KIDINS220: variants seen among roughly 807,000 people sequenced by gnomAD.
KIDINS220 encodes the protein kinase D-interacting substrate of 220 kDa.
A neutral mutation model predicts 157.6 loss-of-function variants in KIDINS220; 63 were observed. That is an observed-to-expected ratio of 0.40 (90% CI 0.33 to 0.49). KIDINS220 has a LOEUF of 0.49. Among genes scored for constraint, KIDINS220 ranks in the 20% least tolerant of loss-of-function variants. The pLI is 0.66. For missense variants in KIDINS220, 1,772 were observed against 2,171.2 expected, an observed-to-expected ratio of 0.82 and a Z score of 3.65; for synonymous variants, 732 against 783.6, an observed-to-expected ratio of 0.93 and a Z score of 1.10.
intron 15 of KIDINS220, among the ~76,000 whole-genome samples, chr2:8,786,735 A>C (rs1030843274): frequency 6.6e-6 from 1 of 152,174 alleles, no homozygotes; most frequent in East Asian, 1.9e-4. Flanking sequence ...GTTGCACAAG[A>C]AAGTTTTCTA....
chr2:8,741,385 G>A (rs1665604933), intron 26 of KIDINS220, among the ~76,000 whole-genome samples: 1 of 152,130 alleles, frequency 6.6e-6, no homozygotes, highest in Admixed American at 6.5e-5. Context: ...TGGCCAACAT[G>A]GCTAAACACT....
At chr2:8,787,897 C>T (rs1478303739) in intron 15 of KIDINS220, among the ~76,000 whole-genome samples, 1 of 151,998 alleles carries the variant, frequency 6.6e-6, no homozygotes, top group Non-Finnish European at 1.5e-5. Flanking sequence ...AAAAGCACAG[C>T]TCAGAGAGGG....
chr2:8,791,293 A>C, intron 12 of KIDINS220, 69 bp from the exon 13 acceptor site: 5 of 1,371,022 alleles, frequency 3.6e-6, no homozygotes, highest in Non-Finnish European at 4.1e-6. Flanking sequence ...CACTATTTTC[A>C]TTGTTTCCTT....
intron 21 of KIDINS220, among the ~76,000 whole-genome samples, 164 bp downstream of exon 21, chr2:8,776,584 G>C (rs1291060882): frequency 6.6e-6 from 1 of 152,112 alleles, no homozygotes; most frequent in Non-Finnish European, 1.5e-5. Flanking sequence ...ACTTTTCATT[G>C]TCAAAACTAA....
At chr2:8,792,214 G>A (rs1357676658) in intron 12 of KIDINS220, among the ~76,000 whole-genome samples, 2 of 152,162 alleles carry the variant, frequency 1.3e-5, no homozygotes, top group Admixed American at 6.5e-5. Flanking sequence ...CCTTTCTTTT[G>A]CAATGTAATA....
At chr2:8,806,543 A>C (rs1342913786) in intron 6 of KIDINS220, among the ~76,000 whole-genome samples, 174 bp from the exon 7 acceptor site, 1 of 152,170 alleles carries the variant, frequency 6.6e-6, no homozygotes, top group Non-Finnish European at 1.5e-5. Context: ...ATTTCTCCTG[A>C]GTAGATTAAC....
chr2:8,726,252 G>A (rs1175631312), downstream of KIDINS220, among the ~76,000 whole-genome samples: 1 of 151,956 alleles, frequency 6.6e-6, no homozygotes, highest in East Asian at 1.9e-4. Context: ...CAGCTACCCG[G>A]GCCCCACTCA....
chr2:8,813,206 A>G (rs1388314655), intron 5 of KIDINS220, 31 bp downstream of exon 5: 3 of 1,523,226 alleles, frequency 2.0e-6, no homozygotes, highest in Non-Finnish European at 9.0e-7. Flanking sequence ...TACCACTTAT[A>G]ATACAAACAA....
intron 12 of KIDINS220, 119 bp from the exon 13 acceptor site, chr2:8,791,343 T>G (rs1278305614): frequency 1.2e-6 from 1 of 819,910 alleles, no homozygotes; most frequent in Non-Finnish European, 1.8e-6. Context: ...TTTATACCCA[T>G]GTAGGGACAG....
At chr2:8,725,405 A>C (rs975654089), downstream of KIDINS220, 3 of 152,256 alleles carry the variant, frequency 2.0e-5, no homozygotes, top group South Asian at 6.2e-4. Context: ...TTTTATTTAA[A>C]ATTTCATAAA....
intron 6 of KIDINS220, among the ~76,000 whole-genome samples, chr2:8,810,293 T>C (rs1180481976): frequency 3.3e-5 from 5 of 152,226 alleles, no homozygotes; most frequent in South Asian, 2.1e-4. Context: ...GATCATTTTT[T>C]CTTTGTTTTT....
chr2:8,808,935 A>G (rs1180041671), intron 6 of KIDINS220, among the ~76,000 whole-genome samples: 2 of 152,208 alleles, frequency 1.3e-5, no homozygotes, highest in African/African-American at 4.8e-5. Flanking sequence ...TTTCTGCTAT[A>G]AACATTACAA....
chr2:8,737,429 C>G lies in KIDINS220; in HGVS notation c.3586-430G>C, dbSNP rs182523143. The G allele has an allele frequency of 1.1e-4, 17 of 158,942 alleles. No individual in the cohort carries two copies. The East Asian group carries it at 3.1e-3, about 29-fold the overall frequency. 9.8% of individuals were successfully genotyped at this position (158,942 alleles called of 1,614,324 possible). On this transcript the variant is annotated intron_variant, in intron 26 of 29. Transcript: ENST00000256707. ...AAACCTACAAAATAATTTTAAAGTA[C>G]CTATACTAGACAATTAAGCAACTTT...
intron 25 of KIDINS220, 61 bp from the exon 26 acceptor site, chr2:8,747,262 G>C (rs1357235745): frequency 1.9e-5 from 27 of 1,389,878 alleles, no homozygotes; most frequent in Non-Finnish European, 2.8e-5. Context: ...AAACTGTGAA[G>C]ACAAATGAAC....
chr2:8,733,705 T>C, intron 28 of KIDINS220, 25 bp from the exon 29 acceptor site: 1 of 1,349,042 alleles, frequency 7.4e-7, no homozygotes, highest in Non-Finnish European at 1.0e-6. Flanking sequence ...AACATAAATA[T>C]TTACACTAAC....
At position 8,786,361 on chromosome 2, in the gene KIDINS220, G is replaced by A. The variant is rs1408080932; in HGVS notation, c.1788-4C>T. ...ATTGTAATCTGTAAACAAAAACCTT[G>A]AAGAAAAGAACAAATCAAACATTAC... On this transcript the variant is annotated splice_region_variant and splice_polypyrimidine_tract_variant and intron_variant, in intron 15 of 29. Transcript: ENST00000256707. The A allele has an allele frequency of 2.5e-6, 4 of 1,607,394 alleles. No homozygotes were observed. The African/African-American group carries it at 5.4e-5, about 22-fold the overall frequency.
intron 7 of KIDINS220, 96 bp downstream of exon 7, chr2:8,806,175 G>A (rs1675426199): frequency 2.4e-6 from 2 of 816,896 alleles, no homozygotes; most frequent in Non-Finnish European, 3.9e-6. Context: ...AGAACTAGAG[G>A]GAAATTTCTC....
chr2:8,803,059 C>T lies in KIDINS220; in HGVS notation c.672G>A (p.Lys224=). The T allele has an allele frequency of 1.2e-6, 2 of 1,613,250 alleles. No individual in the cohort carries two copies. The highest frequency in any genetic ancestry group is 2.2e-5 in the South Asian group (2 of 91,076). ...GYTQSVKEIL[K]RNPNVNLTDK... ...CTGTTAAGTTTACATTTGGATTCCTCTTCAAAATTTCTTTTACTGACTGTG... is the reference window on the plus strand; with the variant it reads ...CTGTTAAGTTTACATTTGGATTCCTTTTCAAAATTTCTTTTACTGACTGTG... Residue 224 remains lysine (K), a synonymous_variant, in exon 8 of 30, where the codon AAG becomes AAA. Coordinates refer to ENST00000256707, the MANE Select transcript of KIDINS220 (RefSeq NM_020738.4).
rs917741053 is a variant in KIDINS220, at chr2:8,778,963, T to C, written c.2547A>G (p.Leu849=). The part of the protein sequence containing the change: ...HLPVFLNSRG[L]SNARKFLVTS... Reference sequence around the variant, plus strand: ...TTACGAGAAATTTTCTTGCATTGCTTAGTCCACGACTATTAAGGAACACAG... The same window carrying C: ...TTACGAGAAATTTTCTTGCATTGCTCAGTCCACGACTATTAAGGAACACAG... The change falls in exon 19 of 30, where the codon CTA becomes CTG. Residue 849 remains leucine (L), a synonymous_variant. Coordinates refer to ENST00000256707, the MANE Select transcript of KIDINS220 (RefSeq NM_020738.4). The C allele has an allele frequency of 1.9e-6, 3 of 1,614,056 alleles. No individual in the cohort carries two copies. In the African/African-American group the frequency reaches 4.0e-5, roughly 22 times the overall value.
Sources: allele counts gnomAD v4.1 joint callset (sites outside exome capture counted in the v4.1 genomes callset), GRCh38; gene constraint gnomAD v4.1.1; transcripts MANE v1.5; gene names NCBI Gene and HGNC (gene_info 2026-07-23, HGNC 2026-07-21).